The following BBS9 variants were observed in gnomAD, a reference collection of about 807,000 sequenced individuals.
BBS9 encodes Bardet-Biedl syndrome 9, also known as protein PTHB1.
BBS9 carries 89 observed loss-of-function variants against 117.7 expected under a neutral mutation model. The ratio of observed to expected loss-of-function variants is 0.76; its 90% CI spans 0.64 to 0.90. The LOEUF is 0.90. Ranked by LOEUF, BBS9 falls within the 40% of genes least tolerant of loss-of-function variation. BBS9 has a pLI of 0.00. For missense variants in BBS9, 982 were observed against 1,042.2 expected, an observed-to-expected ratio of 0.94 and a Z score of 0.80; for synonymous variants, 379 against 370.9, an observed-to-expected ratio of 1.02 and a Z score of -0.25.
At chr7:33,218,189 T>C (rs1789445108) in intron 5 of BBS9, among the ~76,000 whole-genome samples, 1 of 152,232 alleles carries the variant, frequency 6.6e-6, no homozygotes, top group African/African-American at 2.4e-5. Flanking sequence ...TGTATATAGA[T>C]TACATACTTA....
chr7:33,291,106 A>G (rs1349895603), intron 9 of BBS9, among the ~76,000 whole-genome samples: 1 of 152,184 alleles, frequency 6.6e-6, no homozygotes, highest in African/African-American at 2.4e-5. Flanking sequence ...CTCACAGCAG[A>G]CCTTATAAAT....
At chr7:33,437,033 G>T (rs116827364) in intron 19 of BBS9, among the ~76,000 whole-genome samples, 398 of 152,228 alleles carry the variant, frequency 2.6e-3, no homozygotes, top group African/African-American at 8.9e-3. Context: ...AAAATATCAG[G>T]GATTGAATAA....
At chr7:33,338,893 G>A (rs1373429265) in intron 10 of BBS9, among the ~76,000 whole-genome samples, 2 of 152,162 alleles carry the variant, frequency 1.3e-5, no homozygotes, top group East Asian at 3.8e-4. Context: ...CATTGAGATA[G>A]GTGCCCATAC....
chr7:33,132,396 T>C (rs1789758191), intron 1 of BBS9, among the ~76,000 whole-genome samples: 1 of 152,236 alleles, frequency 6.6e-6, no homozygotes, highest in Admixed American at 6.5e-5. Context: ...TTTAGAATCC[T>C]GACTGGCTTT....
intron 19 of BBS9, among the ~76,000 whole-genome samples, chr7:33,470,154 A>G (rs572675759): frequency 3.7e-4 from 57 of 152,290 alleles, no homozygotes; most frequent in African/African-American, 1.3e-3. Flanking sequence ...AGAAGTGCTT[A>G]TTGTACTAAA....
At chr7:33,239,784 T>C in intron 5 of BBS9, among the ~76,000 whole-genome samples, 1 of 151,982 alleles carries the variant, frequency 6.6e-6, no homozygotes, top group East Asian at 1.9e-4. Context: ...CTGAGGCAGG[T>C]GGATTGCTTG....
chr7:33,372,351 A>T (rs950471226), intron 17 of BBS9, among the ~76,000 whole-genome samples: 3 of 152,144 alleles, frequency 2.0e-5, no homozygotes, highest in African/African-American at 7.2e-5. Context: ...GAGTTTTTTT[A>T]AAATCATGAA....
chr7:33,496,576 T>A (rs866790351), intron 19 of BBS9, among the ~76,000 whole-genome samples: 1 of 151,274 alleles, frequency 6.6e-6, no homozygotes, highest in African/African-American at 2.4e-5. Context: ...TAAAGGGGAG[T>A]CTCAGGTTTT....
intron 21 of BBS9, among the ~76,000 whole-genome samples, chr7:33,612,726 C>T (rs904532248): frequency 6.6e-6 from 1 of 151,988 alleles, no homozygotes; most frequent in Non-Finnish European, 1.5e-5. Context: ...TATCCCAGTA[C>T]CTCTTCCGGA....
At chr7:33,412,278 C>T (rs932690243) in intron 19 of BBS9, among the ~76,000 whole-genome samples, 1 of 152,168 alleles carries the variant, frequency 6.6e-6, no homozygotes, top group Non-Finnish European at 1.5e-5. Flanking sequence ...TAGTTCATCT[C>T]CAGAGTAGGA....
intron 1 of BBS9, among the ~76,000 whole-genome samples, chr7:33,140,730 A>G (rs972413271): frequency 6.6e-6 from 1 of 152,224 alleles, no homozygotes; most frequent in Middle Eastern, 3.2e-3. Flanking sequence ...AATGCTTGCT[A>G]CCAGATTTGA....
chr7:33,213,877 T>C (rs1261749073), intron 5 of BBS9, among the ~76,000 whole-genome samples: 1 of 152,130 alleles, frequency 6.6e-6, no homozygotes, highest in Non-Finnish European at 1.5e-5. Context: ...TTCTCTTTAC[T>C]CCTCGTTCTC....
intron 19 of BBS9, among the ~76,000 whole-genome samples, chr7:33,467,160 T>G (rs1011556972): frequency 1.3e-5 from 2 of 152,082 alleles, no homozygotes; most frequent in African/African-American, 4.8e-5. Context: ...TCTGAAGACA[T>G]TTATTGCACC....
intron 21 of BBS9, among the ~76,000 whole-genome samples, chr7:33,542,808 C>T: frequency 6.8e-6 from 1 of 147,642 alleles, no homozygotes. Flanking sequence ...CACACACACA[C>T]ACACACACAC....
At chr7:33,507,867 G>A (rs1358181302) in intron 20 of BBS9, among the ~76,000 whole-genome samples, 1 of 152,178 alleles carries the variant, frequency 6.6e-6, no homozygotes, top group Non-Finnish European at 1.5e-5. Flanking sequence ...GTTAAAACAC[G>A]TACTAAAAGC....
chr7:33,572,290 G>C (rs2129140674), intron 21 of BBS9, among the ~76,000 whole-genome samples: 1 of 152,176 alleles, frequency 6.6e-6, no homozygotes, highest in Middle Eastern at 3.4e-3. Context: ...ATTCTTTTAT[G>C]TCTGAATAAT....
At chr7:33,429,330 A>G (rs1834096748) in intron 19 of BBS9, among the ~76,000 whole-genome samples, 1 of 150,822 alleles carries the variant, frequency 6.6e-6, no homozygotes, top group African/African-American at 2.4e-5. Context: ...CAGTTACTCT[A>G]ATTCATTGTA....
intron 6 of BBS9, among the ~76,000 whole-genome samples, chr7:33,259,960 G>A (rs1413092015): frequency 2.1e-5 from 3 of 145,576 alleles, no homozygotes; most frequent in Non-Finnish European, 4.5e-5. Context: ...ACCTCCTTAA[G>A]CCAGAATAAT....
chr7:33,434,342 G>A (rs1834982247), intron 19 of BBS9, among the ~76,000 whole-genome samples: 1 of 149,386 alleles, frequency 6.7e-6, no homozygotes, highest in Non-Finnish European at 1.5e-5. Flanking sequence ...TATTTAATGT[G>A]TATCTGTCTT....
Sources: allele counts gnomAD v4.1 joint callset (sites outside exome capture counted in the v4.1 genomes callset), GRCh38; gene constraint gnomAD v4.1.1; transcripts MANE v1.5; gene names NCBI Gene and HGNC (gene_info 2026-07-23, HGNC 2026-07-21).